The following TCP1 variants were observed in gnomAD, a reference collection of about 807,000 sequenced individuals.
TCP1 encodes t-complex 1.
A neutral mutation model predicts 54.7 loss-of-function variants in TCP1; 6 were observed. That is an observed-to-expected ratio of 0.11 (90% CI 0.06 to 0.22). The LOEUF is 0.22. Among genes scored for constraint, TCP1 ranks in the 10% least tolerant of loss-of-function variants. The probability of loss-of-function intolerance (pLI) is 1.00; values close to 1 mark genes in which losing one functional copy is unlikely to be tolerated. For synonymous variants in TCP1, 225 were observed against 229.7 expected (o/e 0.98, Z 0.19); for missense variants, 511 against 678.2 (o/e 0.75, Z 2.74).
intron 5 of TCP1, 65 bp from the exon 6 acceptor site, chr6:159,784,912 A>G (rs1447367692): frequency 2.6e-6 from 4 of 1,534,420 alleles, no homozygotes; most frequent in Non-Finnish European, 3.6e-6. Context: ...GTGAAAAATC[A>G]AGGGTAATTT....
intron 7 of TCP1, 28 bp from the exon 8 acceptor site, chr6:159,781,138 A>G (rs772228673): frequency 6.6e-7 from 1 of 1,513,004 alleles, no homozygotes; most frequent in African/African-American, 1.4e-5. Flanking sequence ...AACCTGAGTT[A>G]CCTTCTGTGA....
At chr6:159,788,585 G>GAAAAA (rs56336043) in intron 1 of TCP1, 1 of 147,416 alleles carries the variant, frequency 6.8e-6, no homozygotes, top group African/African-American at 2.5e-5. Flanking sequence ...TGATGGCGGG[G>GAAAAA]AAAAAAAAAA....
At chr6:159,784,203 T>A in intron 6 of TCP1, 136 bp from the exon 7 acceptor site, 1 of 1,066,112 alleles carries the variant, frequency 9.4e-7, no homozygotes, top group Non-Finnish European at 1.3e-6. Context: ...TTTATGGCAT[T>A]AAATGCACGT....
rs748793086 is a variant in TCP1, at chr6:159,789,441, C to A, written c.28G>T (p.Asp10Tyr). The A allele has an allele frequency of 2.5e-6, 4 of 1,613,866 alleles. No individual in the cohort carries two copies. The highest frequency in any genetic ancestry group is 1.7e-6 in the Non-Finnish European group (2 of 1,179,838). Residue 10 changes from aspartate (D) to tyrosine (Y), a missense_variant, in exon 1 of 12, where the codon GAC becomes TAC. Asp to Tyr is a radical substitution (Grantham distance 160). This residue lies in a region of TCP1 where 35 missense variants were observed against 32.7 expected (regional missense o/e 1.07). Coordinates refer to ENST00000321394, the MANE Select transcript of TCP1 (RefSeq NM_030752.3). MEGPLSVFGDRSTGETIRSQ... is the reference protein window; with the variant it reads MEGPLSVFGYRSTGETIRSQ... ...CGGATCGTTTCCCCAGTGCTGCGGT[C>A]ACCGAACACGGACAAAGGCCCCTCC...
intron 3 of TCP1, among the ~76,000 whole-genome samples, chr6:159,787,485 C>T (rs990206517): frequency 2.0e-5 from 3 of 152,152 alleles, no homozygotes; most frequent in African/African-American, 7.2e-5. Context: ...CAAATGAACT[C>T]AAATTCTTTC....
intron 4 of TCP1, 129 bp downstream of exon 4, chr6:159,785,771 T>C: frequency 2.4e-6 from 2 of 847,266 alleles, no homozygotes; most frequent in South Asian, 1.4e-5. Flanking sequence ...CAAATATTAC[T>C]ACTTAAATGC....
chr6:159,780,127 TAAA>T (rs759894761), intron 9 of TCP1, 40 bp from the exon 10 acceptor site: 13 of 1,578,272 alleles, frequency 8.2e-6, no homozygotes, highest in South Asian at 1.2e-5. Flanking sequence ...ATAGCATTTT[TAAA>T]AATTTTTTTT....
chr6:159,787,904 T>G (rs1211240813), intron 2 of TCP1, 33 bp from the exon 3 acceptor site: 6 of 1,612,472 alleles, frequency 3.7e-6, no homozygotes, highest in Non-Finnish European at 5.1e-6. Context: ...TATGAACCAC[T>G]TATAGAAATC....
intron 10 of TCP1, 48 bp from the exon 11 acceptor site, chr6:159,779,838 A>C (rs996092337): frequency 6.3e-7 from 1 of 1,585,786 alleles, no homozygotes. Flanking sequence ...GAAAAAAAAA[A>C]TTGAAGTCCA....
At chr6:159,781,713 A>C (rs1160911665) in intron 7 of TCP1, among the ~76,000 whole-genome samples, 1 of 152,214 alleles carries the variant, frequency 6.6e-6, no homozygotes, top group African/African-American at 2.4e-5. Context: ...CGGAGGTCGC[A>C]GTGAGCCGAG....
intron 3 of TCP1, among the ~76,000 whole-genome samples, chr6:159,786,558 AAGAT>A (rs1780701980): frequency 6.6e-6 from 1 of 152,272 alleles, no homozygotes; most frequent in African/African-American, 2.4e-5. Flanking sequence ...TTATTTAAAA[AAGAT>A]AGTTCTTCAA....
chr6:159,783,719 G>A (rs1306607893), intron 7 of TCP1, among the ~76,000 whole-genome samples: 1 of 151,984 alleles, frequency 6.6e-6, no homozygotes, highest in Non-Finnish European at 1.5e-5. Flanking sequence ...ACTGCTTTGA[G>A]GAAATTAGAT....
chr6:159,786,588 A>T (rs543141922), intron 3 of TCP1, among the ~76,000 whole-genome samples: 5 of 152,380 alleles, frequency 3.3e-5, no homozygotes, highest in African/African-American at 1.2e-4. Context: ...TAAAACACTA[A>T]GAAATATTTT....
At chr6:159,780,718 CT>C in intron 8 of TCP1, 152 bp from the exon 9 acceptor site, 1 of 1,262,702 alleles carries the variant, frequency 7.9e-7, no homozygotes, top group Non-Finnish European at 1.1e-6. Context: ...TAAGATGGAA[CT>C]GTCATTTTAG....
At chr6:159,779,336 C>G (rs938798494) in intron 11 of TCP1, 75 bp from the exon 12 acceptor site, 1 of 1,336,234 alleles carries the variant, frequency 7.5e-7, no homozygotes, top group African/African-American at 1.5e-5. Context: ...GCATTTCATT[C>G]AAGTATTAAG....
At chr6:159,780,647 A>G (rs1421285179) in intron 8 of TCP1, 81 bp from the exon 9 acceptor site, 2 of 1,520,822 alleles carry the variant, frequency 1.3e-6, no homozygotes. Flanking sequence ...CATTTGTGGT[A>G]AAAGTGCTAT....
chr6:159,788,520 CCT>C, intron 1 of TCP1: 1 of 186,652 alleles, frequency 5.4e-6, no homozygotes, highest in South Asian at 9.8e-5. Flanking sequence ...CAGGTGGGAC[CCT>C]GTCCCTAAAC....
At position 159,779,773 on chromosome 6, in the gene TCP1, A is replaced by C. The variant is rs1206568466; in HGVS notation, c.1308T>G (p.Leu436=). 2 of 1,602,564 alleles carry C rather than the reference A, an allele frequency of 1.2e-6. No individual in the cohort carries two copies. Among genetic ancestry groups the C allele is most frequent in the Admixed American group, 3.5e-5 (2 of 56,464 alleles). Residue 436 remains leucine (L), a synonymous_variant, in exon 11 of 12, where the codon CTT becomes CTG. Coordinates refer to ENST00000321394, the MANE Select transcript of TCP1 (RefSeq NM_030752.3). ...GTGATCTTGCAAACTCTGCAATCGC[A>C]AGCTGTTCCCGAGACCCCTAGGAAA... ...YATSMGSREQ[L]AIAEFARSLL... is the part of the protein sequence containing the mutation.
chr6:159,788,043 G>C lies in TCP1; in HGVS notation c.150+15C>G. ...TTACTTTAAGGAAACTAACACAACA[G>C]TTATGTGTACTTACACCAATATCAT... On this transcript the variant is annotated intron_variant, in intron 2 of 11. Transcript: ENST00000321394. 6.2e-7 allele frequency: 1 copy of C among 1,612,338 alleles called. No individual in the cohort carries two copies. The highest frequency in any genetic ancestry group is 1.3e-5 in the African/African-American group (1 of 74,990).
Sources: allele counts gnomAD v4.1 joint callset (sites outside exome capture counted in the v4.1 genomes callset), GRCh38; gene constraint gnomAD v4.1.1; regional missense constraint gnomAD v4.1.1; transcripts MANE v1.5; gene names NCBI Gene and HGNC (gene_info 2026-07-23, HGNC 2026-07-21).